Variants in PPM1L observed in about 807,000 individuals in gnomAD.
PPM1L encodes protein phosphatase, Mg2+/Mn2+ dependent 1L, also known as protein phosphatase 1L.
In PPM1L, 13 loss-of-function variants were observed where a neutral mutation model predicts 31.4. The ratio of observed to expected loss-of-function variants is 0.41; its 90% CI spans 0.27 to 0.66. The LOEUF (loss-of-function observed/expected upper bound fraction) is 0.66. Ranked by LOEUF, PPM1L falls within the 30% of genes least tolerant of loss-of-function variation. PPM1L has a pLI of 0.29. For missense variants in PPM1L, 326 were observed against 453.7 expected (o/e 0.72, Z 2.56); for synonymous variants, 184 against 175.4 (o/e 1.05, Z -0.39).
intron 1 of PPM1L, among the ~76,000 whole-genome samples, chr3:160,885,651 G>A (rs1240708229): frequency 6.6e-6 from 1 of 152,234 alleles, no homozygotes; most frequent in Non-Finnish European, 1.5e-5. Flanking sequence ...ACAGCCAAGG[G>A]AGGCAGTGAG....
chr3:160,987,314 G>A (rs531886521), intron 2 of PPM1L, among the ~76,000 whole-genome samples: 2 of 152,168 alleles, frequency 1.3e-5, no homozygotes, highest in Admixed American at 1.3e-4. Context: ...AAGGCAGCAT[G>A]GTGTAATGTT....
chr3:160,990,849 A>G (rs534771072), intron 2 of PPM1L, among the ~76,000 whole-genome samples: 19 of 152,316 alleles, frequency 1.2e-4, no homozygotes, highest in Middle Eastern at 6.8e-3. Flanking sequence ...AGGACTGTCT[A>G]TTACATTGCA....
chr3:160,842,268 C>G, intron 1 of PPM1L: 2 of 702,392 alleles, frequency 2.8e-6, no homozygotes, highest in Non-Finnish European at 5.2e-6. Flanking sequence ...GAGGGCTAGA[C>G]CAGAACATGC....
Position 161,072,789 on chromosome 3 carries a change from AAGG to A in PPM1L, c.*3633_*3635del, listed in dbSNP as rs1719970838. 1 of 152,130 alleles carries A rather than the reference AAGG, an allele frequency of 6.6e-6. No individual in the cohort carries two copies. Among genetic ancestry groups the A allele is most frequent in the Non-Finnish European group, 1.5e-5 (1 of 68,034 alleles). 9.4% of individuals were successfully genotyped at this position (152,130 alleles called of 1,614,324 possible). On this transcript the variant is annotated 3_prime_UTR_variant, in exon 4 of 4. Transcript: ENST00000498165. ...GTCAATGAAAGGTCTGTGTTTAGAAAAGGCAGCATATCATTGTATATTTGAAAC... is the reference window on the plus strand; with the variant it reads ...GTCAATGAAAGGTCTGTGTTTAGAAACAGCATATCATTGTATATTTGAAAC...
chr3:160,777,425 T>C (rs1711594212), intron 1 of PPM1L, among the ~76,000 whole-genome samples: 1 of 152,206 alleles, frequency 6.6e-6, no homozygotes, highest in Non-Finnish European at 1.5e-5. Flanking sequence ...TACAGTTCAG[T>C]AGTGTTATAT....
At chr3:160,812,051 T>G (rs1712826170) in intron 1 of PPM1L, among the ~76,000 whole-genome samples, 1 of 152,184 alleles carries the variant, frequency 6.6e-6, no homozygotes, top group Non-Finnish European at 1.5e-5. Context: ...TGGCTTCTGC[T>G]TCAGATTTTG....
At chr3:160,886,061 C>T (rs1256582723) in intron 1 of PPM1L, among the ~76,000 whole-genome samples, 1 of 152,236 alleles carries the variant, frequency 6.6e-6, no homozygotes, top group East Asian at 1.9e-4. Flanking sequence ...AAGGTGTCCC[C>T]CACAGGCCAA....
intron 2 of PPM1L, among the ~76,000 whole-genome samples, chr3:161,057,728 G>A (rs979631418): frequency 2.0e-5 from 3 of 152,034 alleles, no homozygotes; most frequent in Admixed American, 1.3e-4. Flanking sequence ...TCGTTGCTGA[G>A]GAACTGCTTT....
chr3:160,798,047 G>A (rs1361760538), intron 1 of PPM1L, among the ~76,000 whole-genome samples: 1 of 152,052 alleles, frequency 6.6e-6, no homozygotes, highest in Non-Finnish European at 1.5e-5. Context: ...GCGTGGTAGT[G>A]CGTGCCTGTA....
intron 1 of PPM1L, among the ~76,000 whole-genome samples, chr3:160,844,708 A>T (rs1714018420): frequency 1.3e-5 from 2 of 151,828 alleles, no homozygotes; most frequent in African/African-American, 2.4e-5. Flanking sequence ...GGTTATGAAA[A>T]TTTTTTCTAT....
chr3:161,023,035 C>T (rs73158255), intron 2 of PPM1L, among the ~76,000 whole-genome samples: 31,884 of 151,776 alleles, frequency 0.21, 3,544 homozygotes, highest in South Asian at 0.3. Flanking sequence ...ATGAGCACTT[C>T]GATATGTTGT....
chr3:160,864,469 G>A (rs531328004), intron 1 of PPM1L, among the ~76,000 whole-genome samples: 5 of 152,168 alleles, frequency 3.3e-5, no homozygotes, highest in Admixed American at 6.5e-5. Context: ...GAGCCACCAC[G>A]CCCAGTCACC....
chr3:160,831,570 C>T, intron 1 of PPM1L, among the ~76,000 whole-genome samples: 1 of 152,082 alleles, frequency 6.6e-6, no homozygotes, highest in East Asian at 1.9e-4. Flanking sequence ...AGCAGGTGGC[C>T]AGGGCCCTCA....
At chr3:160,806,505 G>A (rs1712603804) in intron 1 of PPM1L, among the ~76,000 whole-genome samples, 1 of 152,116 alleles carries the variant, frequency 6.6e-6, no homozygotes, top group South Asian at 2.1e-4. Context: ...CACAATTGTT[G>A]GTACACAGTA....
intron 1 of PPM1L, among the ~76,000 whole-genome samples, chr3:160,813,387 C>T (rs913125727): frequency 5.3e-5 from 8 of 152,100 alleles, no homozygotes; most frequent in East Asian, 3.9e-4. Context: ...TCATCCAGGC[C>T]GGAGTGCAGT....
chr3:160,839,895 A>C (rs1348271165), intron 1 of PPM1L, among the ~76,000 whole-genome samples: 16 of 152,166 alleles, frequency 1.1e-4, no homozygotes, highest in Non-Finnish European at 1.0e-4. Context: ...AGGTGACATA[A>C]AAAATATATC....
intron 1 of PPM1L, among the ~76,000 whole-genome samples, chr3:160,840,960 C>G (rs1713860861): frequency 6.6e-6 from 1 of 152,180 alleles, no homozygotes; most frequent in East Asian, 1.9e-4. Flanking sequence ...CTTCTGGAAA[C>G]ACTTTCACAG....
intron 2 of PPM1L, among the ~76,000 whole-genome samples, chr3:160,968,728 G>A (rs964169071): frequency 5.3e-5 from 8 of 152,178 alleles, no homozygotes; most frequent in African/African-American, 1.9e-4. Flanking sequence ...AGAACCCTAA[G>A]CCATGGGAGC....
chr3:160,890,359 C>T (rs1171627110), intron 1 of PPM1L, among the ~76,000 whole-genome samples: 3 of 151,998 alleles, frequency 2.0e-5, no homozygotes, highest in East Asian at 3.9e-4. Context: ...AGACAAGCAG[C>T]GAGCCAAATC....
Sources: allele counts gnomAD v4.1 joint callset (sites outside exome capture counted in the v4.1 genomes callset), GRCh38; gene constraint gnomAD v4.1.1; transcripts MANE v1.5; gene names NCBI Gene and HGNC (gene_info 2026-07-23, HGNC 2026-07-21).